The following ZMYM6 variants were observed in gnomAD, a reference collection of about 807,000 sequenced individuals.
The protein encoded by ZMYM6 is zinc finger MYM-type protein 6.
ZMYM6 carries 90 observed loss-of-function variants against 134.0 expected under a neutral mutation model. The observed-to-expected ratio is 0.67, with a 90% CI of 0.57 to 0.80. ZMYM6 has a LOEUF of 0.80. Among genes scored for constraint, ZMYM6 ranks in the 30% least tolerant of loss-of-function variants. The probability of loss-of-function intolerance (pLI) is 0.00; values close to 1 mark genes in which losing one functional copy is unlikely to be tolerated. For missense variants in ZMYM6, 1,362 were observed against 1,533.9 expected (o/e 0.89, Z 1.87); for synonymous variants, 481 against 524.1 (o/e 0.92, Z 1.12).
At chr1:34,992,797 T>G (rs1442905113) in intron 14 of ZMYM6, among the ~76,000 whole-genome samples, 1 of 143,292 alleles carries the variant, frequency 7.0e-6, no homozygotes, top group Middle Eastern at 3.3e-3. Flanking sequence ...TTATAAACTA[T>G]AAATATAAAA....
At chr1:34,991,999 T>A in intron 15 of ZMYM6, 2 of 547,146 alleles carry the variant, frequency 3.7e-6, no homozygotes, top group Admixed American at 3.2e-5. Context: ...GTTAAATCAC[T>A]AATGCTTTTA....
At chr1:35,022,906 A>G (rs534892638) in intron 2 of ZMYM6, among the ~76,000 whole-genome samples, 21 of 152,218 alleles carry the variant, frequency 1.4e-4, no homozygotes, top group African/African-American at 5.1e-4. Flanking sequence ...AGCAGACAGA[A>G]ACAGATATGA....
chr1:34,996,148 T>G (rs1487660300), intron 14 of ZMYM6, among the ~76,000 whole-genome samples: 2 of 152,190 alleles, frequency 1.3e-5, no homozygotes, highest in Non-Finnish European at 2.9e-5. Flanking sequence ...ATATATAATT[T>G]TAATTCTGAT....
At chr1:35,004,183 C>T (rs1377459075) in intron 13 of ZMYM6, among the ~76,000 whole-genome samples, 178 bp from the exon 14 acceptor site, 1 of 152,108 alleles carries the variant, frequency 6.6e-6, no homozygotes, top group Non-Finnish European at 1.5e-5. Context: ...GGTAAGGATT[C>T]CAGGGCCCCA....
intron 8 of ZMYM6, 48 bp from the exon 9 acceptor site, chr1:35,011,084 A>G: frequency 1.9e-6 from 3 of 1,558,344 alleles, no homozygotes; most frequent in South Asian, 1.2e-5. Flanking sequence ...GAGAAATAAG[A>G]TAACTTTGTA....
intron 11 of ZMYM6, 29 bp from the exon 12 acceptor site, chr1:35,007,127 C>T (rs1466445838): frequency 3.8e-6 from 6 of 1,562,312 alleles, no homozygotes; most frequent in Non-Finnish European, 5.2e-6. Context: ...ACAAGATAGG[C>T]TTAAAACTAT....
At chr1:35,019,774 C>G (rs1391970786) in intron 3 of ZMYM6, among the ~76,000 whole-genome samples, 172 bp from the exon 4 acceptor site, 1 of 151,996 alleles carries the variant, frequency 6.6e-6, no homozygotes, top group Non-Finnish European at 1.5e-5. Flanking sequence ...CCAGGATTAA[C>G]CAGTCCTCCC....
chr1:35,029,591 C>A (rs1181249686), intron 2 of ZMYM6, among the ~76,000 whole-genome samples: 5 of 152,150 alleles, frequency 3.3e-5, no homozygotes, highest in Non-Finnish European at 7.4e-5. Flanking sequence ...TCATTATCAT[C>A]ATCACCATTT....
In ZMYM6 at chr1:34,988,652, T is replaced by G; in HGVS notation, c.2430A>C (p.Glu810Asp). The G allele has an allele frequency of 6.5e-7, 1 of 1,547,430 alleles. No homozygotes were observed. The highest frequency in any genetic ancestry group is 8.7e-7 in the Non-Finnish European group (1 of 1,145,714). Residue 810 changes from glutamate to aspartate, a missense_variant, in exon 16 of 16, where the codon GAA (glutamate) becomes GAC (aspartate). By Grantham distance (45) the Glu-to-Asp change is conservative. Transcript: ENST00000357182. ...PVDFFEQKSL[E>D]MECQNSSLKK... ...TTAAAGAACTATTTTGACATTCCAT[T>G]TCTAAAGATTTTTGTTCAAAAAAAT...
intron 15 of ZMYM6, chr1:34,989,185 C>A: frequency 8.1e-7 from 1 of 1,236,950 alleles, no homozygotes; most frequent in Non-Finnish European, 1.0e-6. Context: ...CAAGTAATCC[C>A]AAGCACCCAA....
At chr1:35,020,314 T>A (rs1461232254) in intron 3 of ZMYM6, 69 bp downstream of exon 3, 9 of 1,377,998 alleles carry the variant, frequency 6.5e-6, no homozygotes, top group Non-Finnish European at 7.9e-6. Flanking sequence ...GAAAAGATGC[T>A]TTCCCTCAAT....
intron 15 of ZMYM6, chr1:34,991,974 T>TAAA: frequency 1.9e-5 from 7 of 367,040 alleles, no homozygotes; most frequent in South Asian, 2.7e-5. Flanking sequence ...TCGCAGTATT[T>TAAA]AAAAAAAAAA....
rs1433975219 is a variant in ZMYM6, at chr1:35,015,092, T to C, written c.499A>G (p.Ser167Gly). 2 of 1,613,970 alleles carry C rather than the reference T, an allele frequency of 1.2e-6. No homozygotes were observed. Among genetic ancestry groups the C allele is most frequent in the South Asian group, 1.1e-5 (1 of 91,066 alleles). The change falls in exon 5 of 16, where the codon AGC becomes GGC. Residue 167 changes from serine to glycine, a missense_variant. Coordinates refer to ENST00000357182, the MANE Select transcript of ZMYM6 (RefSeq NM_007167.4). ...TCATAAGATGACAAGCATGATTGGC[T>C]GCAGAAATCTTTGCTAGGATAGGAA... ...ENSYPSKDFC[S>G]QSCLSSYELK...
At chr1:35,000,743 A>G (rs971483434) in intron 14 of ZMYM6, among the ~76,000 whole-genome samples, 1 of 152,214 alleles carries the variant, frequency 6.6e-6, no homozygotes, top group African/African-American at 2.4e-5. Context: ...AGATTGTCTA[A>G]AAGAACACAT....
At chr1:34,997,271 TA>T (rs1640800628) in intron 14 of ZMYM6, among the ~76,000 whole-genome samples, 1 of 152,234 alleles carries the variant, frequency 6.6e-6, no homozygotes, top group Non-Finnish European at 1.5e-5. Flanking sequence ...TACTGGCATT[TA>T]AAATGATTCA....
At chr1:35,029,102 G>T (rs1158332271) in intron 2 of ZMYM6, among the ~76,000 whole-genome samples, 6 of 152,202 alleles carry the variant, frequency 3.9e-5, no homozygotes, top group Non-Finnish European at 2.9e-5. Flanking sequence ...TGAGGCAGGA[G>T]AATCACTTGA....
At chr1:35,030,362 G>T in intron 2 of ZMYM6, 185 bp downstream of exon 2, 2 of 571,788 alleles carry the variant, frequency 3.5e-6, no homozygotes. Context: ...AGCCTGGGAG[G>T]TGGAGGCTGC....
chr1:34,992,980 G>GA (rs958823954), intron 14 of ZMYM6, among the ~76,000 whole-genome samples: 7 of 148,704 alleles, frequency 4.7e-5, no homozygotes, highest in African/African-American at 1.5e-4. Context: ...TGGCTACTCA[G>GA]AAAAATTAGA....
intron 14 of ZMYM6, among the ~76,000 whole-genome samples, chr1:34,996,410 C>G (rs930717243): frequency 6.6e-6 from 1 of 152,124 alleles, no homozygotes; most frequent in South Asian, 2.1e-4. Flanking sequence ...GTTTCTTTAA[C>G]AGATGTGCCA....
Sources: allele counts gnomAD v4.1 joint callset (sites outside exome capture counted in the v4.1 genomes callset), GRCh38; gene constraint gnomAD v4.1.1; transcripts MANE v1.5; gene names NCBI Gene and HGNC (gene_info 2026-07-23, HGNC 2026-07-21).